The following PTPN14 variants were observed in gnomAD, a reference collection of about 807,000 sequenced individuals.
PTPN14 encodes the protein protein tyrosine phosphatase non-receptor type 14.
PTPN14 carries 53 observed loss-of-function variants against 126.8 expected under a neutral mutation model. That is an observed-to-expected ratio of 0.42 (90% confidence interval 0.34 to 0.53). The LOEUF is 0.53. PTPN14 is among the 20% of genes least tolerant of loss of function. The pLI is 0.08. For missense variants in PTPN14, 1,257 were observed against 1,552.9 expected, an observed-to-expected ratio of 0.81 and a Z score of 3.20; for synonymous variants, 630 against 599.3, an observed-to-expected ratio of 1.05 and a Z score of -0.75.
intron 1 of PTPN14, among the ~76,000 whole-genome samples, chr1:214,523,462 A>T (rs1351019766): frequency 6.6e-6 from 1 of 152,236 alleles, no homozygotes; most frequent in African/African-American, 2.4e-5. Flanking sequence ...TATTCAGTAC[A>T]GTAACATGCT....
intron 1 of PTPN14, among the ~76,000 whole-genome samples, chr1:214,490,935 GAAAGAAAGA>G (rs1222706012): frequency 1.1e-5 from 1 of 94,940 alleles, no homozygotes; most frequent in Non-Finnish European, 2.2e-5. Flanking sequence ...AGGAAGGAAA[GAAAGAAAGA>G]AAAGAAAGAA....
At position 214,383,672 on chromosome 1, in the gene PTPN14, C is replaced by T. The variant is rs142125075; in HGVS notation, c.2183G>A (p.Arg728Gln). The stretch of plus-strand genomic sequence containing the variant: ...CTGGGCACTGTACTCCATCTTCTCC[C>T]GGAGCATGGGGATCTGGGGCACCGA... ...PESVPQIPML[R>Q]EKMEYSAQLQ... Residue 728 changes from arginine to glutamine, a missense_variant, in exon 13 of 19, where the codon CGG (arginine) becomes CAG (glutamine). Around this residue, in one of 3 missense-constraint regions of PTPN14, gnomAD observed 1,021 missense variants for 1,183.3 expected, o/e 0.86. Coordinates refer to ENST00000366956, the MANE Select transcript of PTPN14 (RefSeq NM_005401.5). This position sits in a 1 kb window ranked among gnomAD's most constrained non-coding sequence, Gnocchi z 4.4. The T allele has an allele frequency of 6.7e-4, 1,076 of 1,613,476 alleles. 2 individuals are homozygous for T. The highest frequency in any genetic ancestry group is 1.0e-3 in the Admixed American group (61 of 60,030).
intron 3 of PTPN14, among the ~76,000 whole-genome samples, chr1:214,446,624 A>C (rs1327930757): frequency 6.6e-6 from 1 of 152,188 alleles, no homozygotes; most frequent in Non-Finnish European, 1.5e-5. Context: ...CTGACCTAAA[A>C]ATTTCCATGG....
In PTPN14 at chr1:214,384,074, C is replaced by A. The variant is rs1385335735; in HGVS notation, c.1781G>T (p.Ser594Ile). Residue 594 changes from serine (S) to isoleucine (I), a missense_variant, in exon 13 of 19, where the codon AGC becomes ATC. Transcript: ENST00000366956. The surrounding 1 kb of genome is among the most constrained non-coding windows in gnomAD (Gnocchi z 5.3). ...CACCTTCCGGGTCACCAGGTCCGGG[C>A]TGCTGCCGCTGACGTACTTGTGGCG... Reference protein sequence around the residue: ...SHRHKYVSGSSPDLVTRKVQL... With the variant: ...SHRHKYVSGSIPDLVTRKVQL... 14 of 1,575,476 alleles carry A rather than the reference C, an allele frequency of 8.9e-6. No individual in the cohort carries two copies. The highest frequency in any genetic ancestry group is 1.2e-5 in the Non-Finnish European group (14 of 1,163,526).
intron 1 of PTPN14, among the ~76,000 whole-genome samples, chr1:214,505,904 C>A (rs1024211278): frequency 6.6e-6 from 1 of 152,052 alleles, no homozygotes. Context: ...TCAAAAAAAT[C>A]GAGTTTGTAA....
chr1:214,503,120 T>C (rs1654747385), intron 1 of PTPN14, among the ~76,000 whole-genome samples: 2 of 152,176 alleles, frequency 1.3e-5, no homozygotes, highest in Non-Finnish European at 2.9e-5. Context: ...TGGAGAAACA[T>C]GTCACTACAA....
In PTPN14 at chr1:214,520,047, C is replaced by CAAA. The variant is rs1183768381; in HGVS notation, c.-155+31133_-155+31135dup. 2.0e-3 allele frequency among the ~76,000 whole-genome samples: 159 copies of CAAA among 80,746 alleles called. 4 individuals carry two copies. The highest frequency in any genetic ancestry group is 8.8e-3 in the African/African-American group (146 of 16,514). The allele number at this position is 80,746 out of a possible 152,430, so 53.0% of individuals were successfully genotyped here. ...TGAGTGACAGAAAAAAACCCTGTCTCAAAAAAAAAAAAAAAAAAATATATA... is the reference window on the plus strand; with the variant it reads ...TGAGTGACAGAAAAAAACCCTGTCTCAAAAAAAAAAAAAAAAAAAAAATATATA... On this transcript the variant is annotated intron_variant, in intron 1 of 18. Coordinates refer to ENST00000366956, the MANE Select transcript of PTPN14 (RefSeq NM_005401.5).
At chr1:214,466,121 TATTTTTTTA>T (rs1436256867) in intron 1 of PTPN14, among the ~76,000 whole-genome samples, 1 of 151,664 alleles carries the variant, frequency 6.6e-6, no homozygotes, top group Non-Finnish European at 1.5e-5. Flanking sequence ...CACACCTGGC[TATTTTTTTA>T]ATTTTATTTT....
chr1:214,544,241 G>A (rs1209042894), intron 1 of PTPN14, among the ~76,000 whole-genome samples: 4 of 151,822 alleles, frequency 2.6e-5, no homozygotes, highest in African/African-American at 9.7e-5. Flanking sequence ...GCCTGGGTTT[G>A]AACATAGGGA....
At chr1:214,371,466 A>G (rs984746018) in intron 16 of PTPN14, among the ~76,000 whole-genome samples, 2 of 152,052 alleles carry the variant, frequency 1.3e-5, no homozygotes, top group Admixed American at 1.3e-4. Context: ...GAGGACCTGT[A>G]CTCACCCAGA....
intron 13 of PTPN14, among the ~76,000 whole-genome samples, chr1:214,379,055 C>G (rs1314865578): frequency 1.3e-5 from 2 of 152,162 alleles, no homozygotes; most frequent in Non-Finnish European, 2.9e-5. Flanking sequence ...AAAAAGCTCT[C>G]TTTATGCTCA....
At chr1:214,361,513 C>T (rs1657955383) in intron 18 of PTPN14, among the ~76,000 whole-genome samples, 1 of 152,220 alleles carries the variant, frequency 6.6e-6, no homozygotes, top group South Asian at 2.1e-4. Context: ...AGGCTCTGCT[C>T]TTAACTGCCC....
At chr1:214,453,348 A>G (rs1033321322) in intron 2 of PTPN14, among the ~76,000 whole-genome samples, 1 of 152,212 alleles carries the variant, frequency 6.6e-6, no homozygotes, top group Admixed American at 6.5e-5. Flanking sequence ...AGGAAATGAA[A>G]TGTGGCTGAA....
At chr1:214,479,204 GAATGTGGTGGT>G in intron 1 of PTPN14, among the ~76,000 whole-genome samples, 1 of 152,036 alleles carries the variant, frequency 6.6e-6, no homozygotes, top group East Asian at 1.9e-4. Context: ...AAAATTAACT[GAATGTGGTGGT>G]GCATGCATGT....
At chr1:214,385,790 G>A (rs1558079454) in intron 12 of PTPN14, among the ~76,000 whole-genome samples, 1 of 152,026 alleles carries the variant, frequency 6.6e-6, no homozygotes, top group East Asian at 1.9e-4. Context: ...GATGAGACAG[G>A]CACAAAAAAC....
At chr1:214,517,080 G>C (rs1655121871) in intron 1 of PTPN14, among the ~76,000 whole-genome samples, 1 of 152,058 alleles carries the variant, frequency 6.6e-6, no homozygotes, top group Admixed American at 6.6e-5. Flanking sequence ...TCCTAAGGCT[G>C]TCACCTGTCA....
At chr1:214,470,265 G>C (rs1379734730) in intron 1 of PTPN14, among the ~76,000 whole-genome samples, 1 of 152,086 alleles carries the variant, frequency 6.6e-6, no homozygotes, top group Non-Finnish European at 1.5e-5. Context: ...CTCCAGCTAG[G>C]CAATACAGCA....
chr1:214,392,632 C>T (rs1157528111), intron 10 of PTPN14, among the ~76,000 whole-genome samples: 4 of 152,248 alleles, frequency 2.6e-5, no homozygotes, highest in African/African-American at 7.2e-5. Context: ...GCGGCACATG[C>T]GAGAATGTGT....
intron 5 of PTPN14, among the ~76,000 whole-genome samples, chr1:214,409,587 T>G (rs886409059): frequency 2.0e-5 from 3 of 152,152 alleles, no homozygotes; most frequent in Non-Finnish European, 4.4e-5. Flanking sequence ...TACCCAGAAG[T>G]GAGACTGCTG....
Sources: allele counts gnomAD v4.1 joint callset (sites outside exome capture counted in the v4.1 genomes callset), GRCh38; gene constraint gnomAD v4.1.1; regional missense constraint gnomAD v4.1.1; non-coding constraint Gnocchi (gnomAD v3.1); transcripts MANE v1.5; gene names NCBI Gene and HGNC (gene_info 2026-07-23, HGNC 2026-07-21).